ESRRG: variants seen among roughly 807,000 people sequenced by gnomAD.
ESRRG encodes estrogen related receptor gamma, also known as estrogen-related receptor gamma.
ESRRG carries 13 observed loss-of-function variants against 44.0 expected under a neutral mutation model. The ratio of observed to expected loss-of-function variants is 0.30; its 90% CI spans 0.19 to 0.47. The LOEUF is 0.47. Among genes scored for constraint, ESRRG ranks in the 20% least tolerant of loss-of-function variants. The pLI is 1.00. For missense variants in ESRRG, 395 were observed against 580.6 expected (o/e 0.68, Z 3.29); for synonymous variants, 215 against 214.6 (o/e 1.00, Z -0.02).
chr1:216,612,356 G>A (rs1432620455), intron 3 of ESRRG, among the ~76,000 whole-genome samples: 1 of 152,086 alleles, frequency 6.6e-6, no homozygotes, highest in Admixed American at 6.5e-5. Context: ...AAGGGAGGAA[G>A]GAGGGAAGGA....
At chr1:216,888,991 C>T (rs949878637) in intron 2 of ESRRG, among the ~76,000 whole-genome samples, 3 of 152,158 alleles carry the variant, frequency 2.0e-5, no homozygotes, top group Non-Finnish European at 4.4e-5. Context: ...CTCATCCTTG[C>T]ATCCCAATCC....
At chr1:216,595,248 C>T (rs1455639927) in intron 3 of ESRRG, among the ~76,000 whole-genome samples, 3 of 152,132 alleles carry the variant, frequency 2.0e-5, no homozygotes, top group Non-Finnish European at 2.9e-5. Flanking sequence ...CCTGGGAAGG[C>T]TTACTTATGT....
intron 5 of ESRRG, among the ~76,000 whole-genome samples, chr1:216,552,812 G>T (rs536284847): frequency 6.6e-6 from 1 of 152,058 alleles, no homozygotes; most frequent in African/African-American, 2.4e-5. Flanking sequence ...TATTAGAAAG[G>T]GGTGTTACAA....
At chr1:216,894,312 C>T (rs970253046) in intron 2 of ESRRG, among the ~76,000 whole-genome samples, 2 of 152,144 alleles carry the variant, frequency 1.3e-5, no homozygotes, top group African/African-American at 4.8e-5. Context: ...AAAGCCAATG[C>T]TCAATTTCTC....
intron 2 of ESRRG, among the ~76,000 whole-genome samples, chr1:216,932,158 T>A (rs1439862113): frequency 6.6e-6 from 1 of 152,160 alleles, no homozygotes; most frequent in African/African-American, 2.4e-5. Flanking sequence ...GAGCTGAGAT[T>A]GTACCACTGC....
At chr1:216,941,852 T>C (rs752042874) in intron 1 of ESRRG, among the ~76,000 whole-genome samples, 1 of 152,196 alleles carries the variant, frequency 6.6e-6, no homozygotes, top group Non-Finnish European at 1.5e-5. Context: ...CTACTATTTA[T>C]CTCATTTTTT....
At chr1:216,746,120 T>C (rs1031886521) in intron 2 of ESRRG, among the ~76,000 whole-genome samples, 3 of 152,174 alleles carry the variant, frequency 2.0e-5, no homozygotes, top group Non-Finnish European at 2.9e-5. Context: ...ATCTTAATAA[T>C]GTAAAAAGTA....
intron 2 of ESRRG, among the ~76,000 whole-genome samples, chr1:216,922,441 A>G (rs151031314): frequency 3.3e-5 from 5 of 152,294 alleles, no homozygotes; most frequent in East Asian, 3.9e-4. Flanking sequence ...GGGGAAATCT[A>G]AGGATCATAT....
intron 1 of ESRRG, among the ~76,000 whole-genome samples, chr1:216,998,486 G>A (rs2076638721): frequency 1.3e-5 from 2 of 152,122 alleles, no homozygotes; most frequent in Admixed American, 6.5e-5. Flanking sequence ...TTTGAAGATG[G>A]CATGATGGCA....
chr1:216,618,556 A>G (rs910206273), intron 3 of ESRRG, among the ~76,000 whole-genome samples: 2 of 152,248 alleles, frequency 1.3e-5, no homozygotes, highest in African/African-American at 4.8e-5. Context: ...ATCCGTATGT[A>G]TACATTATGT....
At chr1:216,607,241 TG>T (rs1266435796) in intron 3 of ESRRG, among the ~76,000 whole-genome samples, 1 of 152,132 alleles carries the variant, frequency 6.6e-6, no homozygotes, top group East Asian at 1.9e-4. Context: ...GACCCTGGCC[TG>T]GAGAAAAGTG....
intron 1 of ESRRG, among the ~76,000 whole-genome samples, chr1:217,132,295 C>T (rs557095396): frequency 6.6e-5 from 10 of 152,124 alleles, no homozygotes; most frequent in African/African-American, 2.4e-4. Flanking sequence ...TTGAGCTAGG[C>T]CAATTAATTC....
In ESRRG at chr1:216,545,229, T is replaced by G. The variant is rs563324815; in HGVS notation, c.862+18990A>C. Reference sequence around the variant, plus strand: ...TGCCTAGCTAATTTTTTAATTTTTATGTTTTTTTTTTTTTTTAAAGACAGG... The same window carrying G: ...TGCCTAGCTAATTTTTTAATTTTTAGGTTTTTTTTTTTTTTTAAAGACAGG... On this transcript the variant is annotated intron_variant, in intron 5 of 6. Coordinates refer to ENST00000408911, the MANE Select transcript of ESRRG (RefSeq NM_001438.4). Among the ~76,000 whole-genome samples the G allele has an allele frequency of 9.0e-4, 127 of 140,520 alleles. 1 individual carries two copies. In the South Asian group the frequency reaches 0.017, roughly 19 times the overall value. 92.2% of individuals were successfully genotyped at this position (140,520 alleles called of 152,430 possible). A position where few individuals can be genotyped will look rare whatever the true frequency, so the allele number is the denominator to read the frequency against.
At chr1:216,791,671 A>T (rs1303645238) in intron 2 of ESRRG, among the ~76,000 whole-genome samples, 6 of 152,196 alleles carry the variant, frequency 3.9e-5, no homozygotes, top group African/African-American at 1.4e-4. Context: ...AATTCACTTT[A>T]TAAGTAAGAA....
chr1:216,707,279 T>C, intron 1 of ESRRG: 1 of 1,468,224 alleles, frequency 6.8e-7, no homozygotes, highest in South Asian at 1.2e-5. Context: ...TCAAACCATA[T>C]ACAAGTAACG....
intron 2 of ESRRG, among the ~76,000 whole-genome samples, chr1:216,847,820 A>ATGCC (rs2095780065): frequency 6.6e-6 from 1 of 152,140 alleles, no homozygotes; most frequent in South Asian, 2.1e-4. Flanking sequence ...GGTTGGCAAG[A>ATGCC]AACACAGTGG....
chr1:216,901,958 T>G (rs1458585905), intron 2 of ESRRG, among the ~76,000 whole-genome samples: 1 of 152,132 alleles, frequency 6.6e-6, no homozygotes, highest in Non-Finnish European at 1.5e-5. Flanking sequence ...AGATGGAATC[T>G]CACTAAGTTG....
At chr1:216,971,119 G>C (rs903933218) in intron 1 of ESRRG, among the ~76,000 whole-genome samples, 5 of 152,114 alleles carry the variant, frequency 3.3e-5, no homozygotes, top group African/African-American at 1.2e-4. Context: ...ATAAAATAGT[G>C]TAGAAGAACA....
At chr1:216,756,330 A>T (rs1396494754) in intron 2 of ESRRG, among the ~76,000 whole-genome samples, 1 of 151,962 alleles carries the variant, frequency 6.6e-6, no homozygotes, top group Non-Finnish European at 1.5e-5. Flanking sequence ...ACAAGTTCAA[A>T]GAGTTTGGGA....
Sources: gnomAD v4.1 joint callset for allele counts (sites outside exome capture counted in the v4.1 genomes callset) on GRCh38, gnomAD v4.1.1 for gene constraint, MANE v1.5 for transcripts, NCBI Gene and HGNC (gene_info 2026-07-23, HGNC 2026-07-21) for gene names.